The following RCAN2 variants were observed in gnomAD, a reference collection of about 807,000 sequenced individuals.
RCAN2 encodes the protein regulator of calcineurin 2.
Under a neutral mutation model 23.6 loss-of-function variants are expected in RCAN2, and 9 were observed. The observed-to-expected ratio is 0.38, with a 90% confidence interval of 0.23 to 0.67. The LOEUF (loss-of-function observed/expected upper bound fraction) is 0.67, where lower values mean the gene tolerates loss of function less well. RCAN2 is among the 30% of genes least tolerant of loss of function. RCAN2 has a pLI of 0.51. For missense variants in RCAN2, 273 were observed against 302.3 expected, an observed-to-expected ratio of 0.90 and a Z score of 0.72; for synonymous variants, 109 against 115.7, an observed-to-expected ratio of 0.94 and a Z score of 0.37.
At chr6:46,271,321 C>A (rs1346936316) in intron 2 of RCAN2, among the ~76,000 whole-genome samples, 1 of 152,164 alleles carries the variant, frequency 6.6e-6, no homozygotes, top group Non-Finnish European at 1.5e-5. Flanking sequence ...TAATGACAGA[C>A]TTCTTAGTCA....
At chr6:46,386,355 C>T (rs1765746114) in intron 2 of RCAN2, among the ~76,000 whole-genome samples, 2 of 151,788 alleles carry the variant, frequency 1.3e-5, no homozygotes, top group South Asian at 4.2e-4. Context: ...TCCCAGCACT[C>T]TGAGAGGCCA....
intron 1 of RCAN2, among the ~76,000 whole-genome samples, chr6:46,479,688 T>C (rs1034231775): frequency 1.3e-5 from 2 of 148,272 alleles, no homozygotes; most frequent in African/African-American, 5.0e-5. Flanking sequence ...GTTCAAGCAA[T>C]TCTCCTGCCT....
intron 2 of RCAN2, among the ~76,000 whole-genome samples, chr6:46,277,414 G>T (rs1392745331): frequency 2.6e-5 from 4 of 152,148 alleles, no homozygotes; most frequent in African/African-American, 4.8e-5. Context: ...TGTAAAAGAA[G>T]GTGTTGATAA....
At chr6:46,312,134 T>A (rs1359629111) in intron 2 of RCAN2, among the ~76,000 whole-genome samples, 3 of 152,192 alleles carry the variant, frequency 2.0e-5, no homozygotes, top group African/African-American at 7.2e-5. Context: ...TATGAAGCTG[T>A]AACTCATGGG....
At chr6:46,458,421 AG>A (rs1181326546) in intron 1 of RCAN2, among the ~76,000 whole-genome samples, 2 of 152,192 alleles carry the variant, frequency 1.3e-5, no homozygotes, top group Admixed American at 6.5e-5. Flanking sequence ...AGCCCGGTTG[AG>A]GTAGGAGCCA....
rs867299775 is a variant in RCAN2, at chr6:46,408,881, G to A, written c.225+47871C>T. ...GGTATCCTGTTTACTCCTACACATTGTTCTTACATGTCAGAAAATGAAGTA... is the reference window on the plus strand; with the variant it reads ...GGTATCCTGTTTACTCCTACACATTATTCTTACATGTCAGAAAATGAAGTA... On this transcript the variant is annotated intron_variant, in intron 2 of 4. Coordinates refer to ENST00000371374, the MANE Select transcript of RCAN2 (RefSeq NM_001251974.2). Among the ~76,000 whole-genome samples, 5 of 152,184 alleles carry A rather than the reference G, an allele frequency of 3.3e-5. No homozygotes were observed. In the Middle Eastern group the frequency reaches 0.014, roughly 414 times the overall value.
chr6:46,486,569 A>T (rs1225405417), intron 1 of RCAN2, among the ~76,000 whole-genome samples: 2 of 152,252 alleles, frequency 1.3e-5, no homozygotes, highest in African/African-American at 4.8e-5. Flanking sequence ...TACATGATAT[A>T]ATAAAGCAAT....
chr6:46,230,246 G>A (rs895905313), intron 4 of RCAN2, among the ~76,000 whole-genome samples: 3 of 152,172 alleles, frequency 2.0e-5, no homozygotes, highest in South Asian at 2.1e-4. Context: ...TGAGGAGGCA[G>A]TCTCCATACT....
At chr6:46,342,084 A>C (rs1764337605) in intron 2 of RCAN2, among the ~76,000 whole-genome samples, 1 of 152,156 alleles carries the variant, frequency 6.6e-6, no homozygotes, top group Non-Finnish European at 1.5e-5. Flanking sequence ...TTCCTCTTTG[A>C]CTGAGATATG....
intron 2 of RCAN2, among the ~76,000 whole-genome samples, chr6:46,375,507 A>C (rs901072332): frequency 2.0e-5 from 3 of 152,142 alleles, no homozygotes; most frequent in Non-Finnish European, 2.9e-5. Context: ...AAAGATCAAC[A>C]AGCTTTTAAA....
At chr6:46,439,415 T>C (rs1767463201) in intron 2 of RCAN2, among the ~76,000 whole-genome samples, 1 of 152,242 alleles carries the variant, frequency 6.6e-6, no homozygotes, top group African/African-American at 2.4e-5. Context: ...TTTATGTGCA[T>C]GTTGTGTTTA....
At chr6:46,482,008 G>C (rs757582119) in intron 1 of RCAN2, among the ~76,000 whole-genome samples, 2 of 151,950 alleles carry the variant, frequency 1.3e-5, no homozygotes, top group African/African-American at 2.4e-5. Flanking sequence ...GCATAATTTT[G>C]ATACTTTGGA....
At chr6:46,398,141 A>G (rs996572151) in intron 2 of RCAN2, among the ~76,000 whole-genome samples, 5 of 152,202 alleles carry the variant, frequency 3.3e-5, no homozygotes, top group Non-Finnish European at 7.4e-5. Flanking sequence ...AGTGAAAACA[A>G]ATTTAAATAG....
chr6:46,240,197 GCA>G (rs1355616693), intron 4 of RCAN2, among the ~76,000 whole-genome samples: 2 of 152,008 alleles, frequency 1.3e-5, no homozygotes, highest in South Asian at 2.1e-4. Context: ...ACACACAAAT[GCA>G]CACACACACA....
intron 2 of RCAN2, among the ~76,000 whole-genome samples, chr6:46,267,543 G>A (rs574368493): frequency 6.6e-6 from 1 of 152,184 alleles, no homozygotes; most frequent in East Asian, 1.9e-4. Context: ...AAACGAGGTG[G>A]GCATAGTGGC....
intron 2 of RCAN2, among the ~76,000 whole-genome samples, chr6:46,403,994 G>T (rs951131253): frequency 6.6e-6 from 1 of 152,090 alleles, no homozygotes; most frequent in Non-Finnish European, 1.5e-5. Flanking sequence ...GGTCGAGGAG[G>T]GTGGATCACC....
chr6:46,325,024 T>G (rs573041392), intron 2 of RCAN2, among the ~76,000 whole-genome samples: 1 of 152,400 alleles, frequency 6.6e-6, no homozygotes, highest in South Asian at 2.1e-4. Context: ...GGGTTTATTA[T>G]GTGTGCTTTC....
chr6:46,435,601 C>T (rs1767341323), intron 2 of RCAN2, among the ~76,000 whole-genome samples: 1 of 152,214 alleles, frequency 6.6e-6, no homozygotes, highest in Non-Finnish European at 1.5e-5. Context: ...AAGAATGAAG[C>T]ACCCGCAGAG....
chr6:46,311,402 G>C (rs1361366535), intron 2 of RCAN2, among the ~76,000 whole-genome samples: 1 of 152,224 alleles, frequency 6.6e-6, no homozygotes, highest in Non-Finnish European at 1.5e-5. Flanking sequence ...TAAAAGATGT[G>C]AATGATACTC....
Sources: allele counts gnomAD v4.1 joint callset (sites outside exome capture counted in the v4.1 genomes callset), GRCh38; gene constraint gnomAD v4.1.1; transcripts MANE v1.5; gene names NCBI Gene and HGNC (gene_info 2026-07-23, HGNC 2026-07-21).